ITGA11: variants seen among roughly 807,000 people sequenced by gnomAD.
ITGA11 encodes integrin subunit alpha 11.
Under a neutral mutation model 141.9 loss-of-function variants are expected in ITGA11, and 97 were observed. The observed-to-expected ratio is 0.68, with a 90% confidence interval of 0.58 to 0.81. ITGA11 has a LOEUF of 0.81. Ranked by LOEUF, ITGA11 falls within the 30% of genes least tolerant of loss-of-function variation. ITGA11 has a pLI of 0.00. For synonymous variants in ITGA11, 658 were observed against 624.6 expected (o/e 1.05, Z -0.80); for missense variants, 1,387 against 1,559.2 (o/e 0.89, Z 1.86).
At position 68,312,818 on chromosome 15, in the gene ITGA11, C is replaced by T; in HGVS notation, c.2928G>A (p.Leu976=). The T allele has an allele frequency of 6.2e-7, 1 of 1,613,886 alleles. No homozygotes were observed. Among genetic ancestry groups the T allele is most frequent in the Admixed American group, 1.7e-5 (1 of 60,030 alleles). Residue 976 remains leucine, a synonymous_variant, in exon 24 of 30, where the codon CTG becomes CTA. Coordinates refer to ENST00000315757, the MANE Select transcript of ITGA11 (RefSeq NM_001004439.2). ...GAGGCCCGATACCATCGTATCTCTCCAGCGAGCTGTTGGGCTTGACCTCGT... is the reference window on the plus strand; with the variant it reads ...GAGGCCCGATACCATCGTATCTCTCTAGCGAGCTGTTGGGCTTGACCTCGT... ...SHYEVKPNSS[L]ERYDGIGPPF...
chr15:68,430,535 T>A (rs1452143628), intron 1 of ITGA11, among the ~76,000 whole-genome samples: 1 of 152,160 alleles, frequency 6.6e-6, no homozygotes, highest in Non-Finnish European at 1.5e-5. Context: ...AGCCACTCCT[T>A]CCCAAGGTTC....
At chr15:68,388,151 T>A (rs1328922869) in intron 2 of ITGA11, among the ~76,000 whole-genome samples, 2 of 152,166 alleles carry the variant, frequency 1.3e-5, no homozygotes, top group Admixed American at 1.3e-4. Flanking sequence ...ATCTTCCTAG[T>A]CAGCAAGATA....
intron 8 of ITGA11, 123 bp from the exon 9 acceptor site, chr15:68,350,905 T>C: frequency 2.2e-6 from 2 of 911,930 alleles, no homozygotes; most frequent in Non-Finnish European, 3.4e-6. Flanking sequence ...GCCATGAGAG[T>C]TCCTCGCAAT....
chr15:68,323,961 A>G (rs1481154584), intron 18 of ITGA11, among the ~76,000 whole-genome samples: 1 of 152,194 alleles, frequency 6.6e-6, no homozygotes, highest in Non-Finnish European at 1.5e-5. Context: ...GTTAATCTGC[A>G]CTGTGGGCTT....
intron 3 of ITGA11, among the ~76,000 whole-genome samples, chr15:68,366,326 G>A (rs993932118): frequency 2.0e-5 from 3 of 152,028 alleles, no homozygotes; most frequent in African/African-American, 7.2e-5. Context: ...GTGTAGAGAG[G>A]GTTAGTGACT....
intron 4 of ITGA11, among the ~76,000 whole-genome samples, 164 bp downstream of exon 4, chr15:68,364,543 G>A (rs59937100): frequency 0.031 from 4,680 of 152,272 alleles, 259 homozygotes; most frequent in African/African-American, 0.11. Flanking sequence ...GGGAGCTGGC[G>A]GGGGAGCTGC....
chr15:68,358,844 A>G (rs138079533), intron 5 of ITGA11, among the ~76,000 whole-genome samples: 1 of 152,354 alleles, frequency 6.6e-6, no homozygotes, highest in Non-Finnish European at 1.5e-5. Flanking sequence ...CTAATCAGAG[A>G]CTGACCACTA....
intron 2 of ITGA11, among the ~76,000 whole-genome samples, chr15:68,374,424 C>T (rs1186045043): frequency 2.6e-5 from 4 of 152,160 alleles, no homozygotes; most frequent in African/African-American, 9.7e-5. Flanking sequence ...GGGCCAGCCT[C>T]AAATGTGGGA....
chr15:68,318,417 A>G (rs1893670028), intron 20 of ITGA11, among the ~76,000 whole-genome samples: 1 of 152,090 alleles, frequency 6.6e-6, no homozygotes, highest in African/African-American at 2.4e-5. Context: ...CCCTCCGTAT[A>G]CCTGAAATCC....
intron 4 of ITGA11, among the ~76,000 whole-genome samples, chr15:68,362,566 T>C (rs564296167): frequency 6.6e-6 from 1 of 151,836 alleles, no homozygotes; most frequent in African/African-American, 2.4e-5. Context: ...GATAGACAGA[T>C]GATAGATGGA....
intron 2 of ITGA11, among the ~76,000 whole-genome samples, chr15:68,388,295 G>T (rs1480325889): frequency 6.6e-6 from 1 of 151,954 alleles, no homozygotes; most frequent in Non-Finnish European, 1.5e-5. Flanking sequence ...CTTGCCATTT[G>T]CACTTGTCAT....
intron 1 of ITGA11, among the ~76,000 whole-genome samples, chr15:68,416,036 C>T (rs187529376): frequency 6.6e-6 from 1 of 152,348 alleles, no homozygotes; most frequent in East Asian, 1.9e-4. Context: ...TGGGTGCCTG[C>T]AACCTTGGAG....
In ITGA11 at chr15:68,346,804, C is replaced by G. The variant is rs549988124; in HGVS notation, c.1131+2026G>C. 2.3e-3 allele frequency among the ~76,000 whole-genome samples: 346 copies of G among 152,268 alleles called. 1 individual carries two copies. The highest frequency in any genetic ancestry group is 8.0e-3 in the African/African-American group (332 of 41,552). On this transcript the variant is annotated intron_variant, in intron 10 of 29. Transcript: ENST00000315757. The stretch of plus-strand genomic sequence containing the variant: ...ACCACCCCTTCTTTTAGTGGAGGCC[C>G]TTCCTTCTATACTACCTTGATCACG...
intron 2 of ITGA11, among the ~76,000 whole-genome samples, chr15:68,392,132 G>A (rs1896135975): frequency 6.6e-6 from 1 of 152,226 alleles, no homozygotes. Context: ...GCTATGAAAA[G>A]AGAAACACAG....
In ITGA11 at chr15:68,329,159, C is replaced by T. The variant is rs149094615; in HGVS notation, c.1902-897G>A. 3.3e-5 allele frequency among the ~76,000 whole-genome samples: 5 copies of T among 152,320 alleles called. No individual in the cohort carries two copies. In the East Asian group the frequency reaches 7.7e-4, roughly 23 times the overall value. ...GATTTGAGTCTTGGCTCCACGGGCTCCTCATTGGACCTTGGCAGGTCACAT... is the reference window on the plus strand; with the variant it reads ...GATTTGAGTCTTGGCTCCACGGGCTTCTCATTGGACCTTGGCAGGTCACAT... On this transcript the variant is annotated intron_variant, in intron 15 of 29. Coordinates refer to ENST00000315757, the MANE Select transcript of ITGA11 (RefSeq NM_001004439.2).
Position 68,396,945 on chromosome 15 carries a change from TATA to T in ITGA11, c.164+5970_164+5972del, listed in dbSNP as rs1286797892. ...TTATTATATAATATATAATATATTA[TATA>T]TTATTTATTATATAATAAATAATAT... On this transcript the variant is annotated intron_variant, in intron 2 of 29. Coordinates refer to ENST00000315757, the MANE Select transcript of ITGA11 (RefSeq NM_001004439.2). 7.7e-4 allele frequency among the ~76,000 whole-genome samples: 34 copies of T among 44,182 alleles called. 1 individual carries two copies. Among genetic ancestry groups the T allele is most frequent in the African/African-American group, 1.8e-3 (19 of 10,736 alleles). The allele number at this position is 44,182 out of a possible 152,430, so 29.0% of individuals were successfully genotyped here.
chr15:68,396,189 T>C (rs1896235756), intron 2 of ITGA11, among the ~76,000 whole-genome samples: 1 of 152,064 alleles, frequency 6.6e-6, no homozygotes, highest in Non-Finnish European at 1.5e-5. Context: ...GAATACGTGG[T>C]GACCAAATGA....
At chr15:68,337,553 G>A (rs1392648222) in intron 11 of ITGA11, among the ~76,000 whole-genome samples, 1 of 152,114 alleles carries the variant, frequency 6.6e-6, no homozygotes, top group Non-Finnish European at 1.5e-5. Context: ...ACTCCCTCAA[G>A]ACCCCCACCC....
At position 68,311,306 on chromosome 15, in the gene ITGA11, T is replaced by C. The variant is rs1325523062; in HGVS notation, c.3071A>G (p.Asp1024Gly). The C allele has an allele frequency of 2.5e-6, 4 of 1,571,082 alleles. No homozygotes were observed. The highest frequency in any genetic ancestry group is 3.5e-6 in the Non-Finnish European group (4 of 1,156,874). ...CATCACCACCTCGTCCGTGAGGAAG[T>C]CCCTCAGCTTCAGTAGGCGGTTGCC... ...RSGNRLLKLR[D>G]FLTDEANTSC... is the part of the protein sequence containing the mutation. The change falls in exon 25 of 30, where the codon GAC (aspartate) becomes GGC (glycine). Residue 1024 changes from aspartate (D) to glycine (G), a missense_variant. By Grantham distance (94) the Asp-to-Gly change is moderately conservative (BLOSUM62 -1). Coordinates refer to ENST00000315757, the MANE Select transcript of ITGA11 (RefSeq NM_001004439.2).
Sources: allele counts gnomAD v4.1 joint callset (sites outside exome capture counted in the v4.1 genomes callset), GRCh38; gene constraint gnomAD v4.1.1; transcripts MANE v1.5; gene names NCBI Gene and HGNC (gene_info 2026-07-23, HGNC 2026-07-21).